SIPA1L1: variants seen among roughly 807,000 people sequenced by gnomAD.
The protein encoded by SIPA1L1 is signal-induced proliferation-associated 1-like protein 1.
A neutral mutation model predicts 162.7 loss-of-function variants in SIPA1L1; 26 were observed. The ratio of observed to expected loss-of-function variants is 0.16; its 90% CI spans 0.12 to 0.22. The LOEUF (loss-of-function observed/expected upper bound fraction) is 0.22, where lower values mean the gene tolerates loss of function less well. Ranked by LOEUF, SIPA1L1 falls within the 10% of genes least tolerant of loss-of-function variation. SIPA1L1 has a pLI of 1.00. For synonymous variants in SIPA1L1, 829 were observed against 837.4 expected, an observed-to-expected ratio of 0.99 and a Z score of 0.17; for missense variants, 1,874 against 2,241.0, an observed-to-expected ratio of 0.84 and a Z score of 3.31.
intron 2 of SIPA1L1, among the ~76,000 whole-genome samples, chr14:71,374,159 T>C (rs2039156337): frequency 1.3e-5 from 2 of 152,196 alleles, no homozygotes; most frequent in South Asian, 4.1e-4. Flanking sequence ...TTCTTTAGAA[T>C]GATGTCAGTA....
At chr14:71,567,504 A>G (rs1331755170) in intron 4 of SIPA1L1, among the ~76,000 whole-genome samples, 1 of 152,246 alleles carries the variant, frequency 6.6e-6, no homozygotes, top group African/African-American at 2.4e-5. Context: ...GTAAAGGAAT[A>G]AAAGAATGGC....
intron 16 of SIPA1L1, 34 bp from the exon 17 acceptor site, chr14:71,709,188 C>G: frequency 1.3e-6 from 2 of 1,552,668 alleles, no homozygotes; most frequent in Non-Finnish European, 1.8e-6. Flanking sequence ...GGAAGCAAAA[C>G]TTTGCACTCA....
At chr14:71,542,652 C>CCCTCCTCCTCCTCCCTCCT (rs1249245497) in intron 4 of SIPA1L1, among the ~76,000 whole-genome samples, 7 of 90,038 alleles carry the variant, frequency 7.8e-5, no homozygotes, top group African/African-American at 2.4e-4. Flanking sequence ...TTCTTTCTTC[C>CCCTCCTCCTCCTCCCTCCT]CCTCCTCCTC....
intron 4 of SIPA1L1, among the ~76,000 whole-genome samples, chr14:71,544,809 A>C (rs1358354771): frequency 6.6e-6 from 1 of 152,176 alleles, no homozygotes; most frequent in African/African-American, 2.4e-5. Flanking sequence ...TTTGTTCTTA[A>C]GTCAATTATA....
chr14:71,584,487 C>T (rs901633129), intron 4 of SIPA1L1, among the ~76,000 whole-genome samples: 7 of 152,224 alleles, frequency 4.6e-5, no homozygotes, highest in Non-Finnish European at 1.0e-4. Context: ...TCTTACTTGT[C>T]TGTGTCTCCC....
intron 2 of SIPA1L1, among the ~76,000 whole-genome samples, chr14:71,385,733 G>A (rs898056204): frequency 1.5e-4 from 22 of 145,496 alleles, no homozygotes; most frequent in African/African-American, 5.4e-4. Flanking sequence ...TGTTGCCTGG[G>A]CTGGAGTGCA....
chr14:71,426,678 G>A (rs914387821), intron 2 of SIPA1L1, among the ~76,000 whole-genome samples: 1 of 151,880 alleles, frequency 6.6e-6, no homozygotes, highest in Non-Finnish European at 1.5e-5. Context: ...TTTTAGTATA[G>A]ACGGGGTTTC....
chr14:71,562,024 T>C (rs1011436104), intron 4 of SIPA1L1, among the ~76,000 whole-genome samples: 1 of 152,190 alleles, frequency 6.6e-6, no homozygotes, highest in Non-Finnish European at 1.5e-5. Flanking sequence ...GTAGAATATT[T>C]GTTAGCCATA....
intron 17 of SIPA1L1, among the ~76,000 whole-genome samples, chr14:71,722,379 T>C (rs1379727211): frequency 1.3e-5 from 2 of 152,226 alleles, no homozygotes; most frequent in African/African-American, 2.4e-5. Flanking sequence ...GTCTGTACTT[T>C]ATTTAGGTCA....
chr14:71,464,771 A>G (rs1404341259), intron 2 of SIPA1L1, among the ~76,000 whole-genome samples: 2 of 152,136 alleles, frequency 1.3e-5, no homozygotes, highest in Admixed American at 1.3e-4. Flanking sequence ...ATCCATTCCC[A>G]TGGCTGTTCT....
intron 6 of SIPA1L1, among the ~76,000 whole-genome samples, chr14:71,623,731 G>T (rs2039683424): frequency 6.6e-6 from 1 of 152,124 alleles, no homozygotes; most frequent in Non-Finnish European, 1.5e-5. Flanking sequence ...TAGTGACATG[G>T]TATAGCCATA....
intron 2 of SIPA1L1, among the ~76,000 whole-genome samples, chr14:71,467,945 A>T (rs2047138682): frequency 6.6e-6 from 1 of 151,882 alleles, no homozygotes; most frequent in South Asian, 2.1e-4. Flanking sequence ...GCTTAAAACA[A>T]TGCCTGGCAC....
intron 14 of SIPA1L1, among the ~76,000 whole-genome samples, chr14:71,700,110 C>G (rs1486478355): frequency 1.3e-5 from 2 of 151,730 alleles, no homozygotes; most frequent in African/African-American, 2.4e-5. Context: ...AAAAGTTCAT[C>G]AGATGAAAAT....
At chr14:71,573,750 C>T (rs1264503855) in intron 4 of SIPA1L1, 5 of 456,316 alleles carry the variant, frequency 1.1e-5, no homozygotes, top group Admixed American at 7.1e-5. Context: ...TATCCATTAT[C>T]TCTAGCGACA....
chr14:71,342,221 C>G (rs974483545), intron 2 of SIPA1L1, among the ~76,000 whole-genome samples: 20 of 152,086 alleles, frequency 1.3e-4, no homozygotes, highest in African/African-American at 4.6e-4. Flanking sequence ...CCAGGCTGGT[C>G]TCAAATTCCT....
chr14:71,386,450 C>T (rs1431564266), intron 2 of SIPA1L1, among the ~76,000 whole-genome samples: 1 of 152,164 alleles, frequency 6.6e-6, no homozygotes, highest in African/African-American at 2.4e-5. Context: ...TGTTAATCTC[C>T]TTTGGCAACA....
chr14:71,515,872 C>T (rs923922617), intron 3 of SIPA1L1, among the ~76,000 whole-genome samples: 8 of 152,122 alleles, frequency 5.3e-5, no homozygotes, highest in Non-Finnish European at 7.4e-5. Context: ...GAGCTCCTGA[C>T]CTCAAGTGAT....
chr14:71,642,145 T>C (rs2041776748), intron 7 of SIPA1L1, among the ~76,000 whole-genome samples: 1 of 152,230 alleles, frequency 6.6e-6, no homozygotes. Context: ...AAACAATGGT[T>C]TTTATAATGT....
At chr14:71,381,325 T>A (rs1318229901) in intron 2 of SIPA1L1, among the ~76,000 whole-genome samples, 2 of 152,090 alleles carry the variant, frequency 1.3e-5, no homozygotes, top group Non-Finnish European at 2.9e-5. Flanking sequence ...GTGCTGGGAT[T>A]ACAGGCATGA....
Sources: allele counts gnomAD v4.1 joint callset (sites outside exome capture counted in the v4.1 genomes callset), GRCh38; gene constraint gnomAD v4.1.1; transcripts MANE v1.5; gene names NCBI Gene and HGNC (gene_info 2026-07-23, HGNC 2026-07-21).